Variants in ANKRD50 observed in about 807,000 individuals in gnomAD.
ANKRD50 encodes the protein ankyrin repeat domain 50, also known as ankyrin repeat domain-containing protein 50.
ANKRD50 carries 40 observed loss-of-function variants against 112.0 expected under a neutral mutation model. The ratio of observed to expected loss-of-function variants is 0.36; its 90% CI spans 0.28 to 0.46. The LOEUF is 0.46. ANKRD50 is among the 20% of genes least tolerant of loss of function. The pLI is 1.00. For synonymous variants in ANKRD50, 613 were observed against 619.1 expected, an observed-to-expected ratio of 0.99 and a Z score of 0.15; for missense variants, 1,487 against 1,701.7, an observed-to-expected ratio of 0.87 and a Z score of 2.22.
Position 124,669,789 on chromosome 4 carries a change from G to T in ANKRD50, c.3488C>A (p.Ser1163Tyr), listed in dbSNP as rs1359100186. The change falls in exon 4 of 5, where the codon TCT becomes TAT. Residue 1163 changes from serine to tyrosine, a missense_variant. By Grantham distance (144) the Ser-to-Tyr change is moderately radical. Transcript: ENST00000504087. ...TGTAGAATCTGGAGATTCTGAAGGA[G>T]AACTAAAAGCATGAGTAGGCCCATT... ...LPNGPTHAFS[S>Y]PSESPDSTVD... The T allele has an allele frequency of 6.2e-7, 1 of 1,613,168 alleles. No individual in the cohort carries two copies. Among genetic ancestry groups the T allele is most frequent in the Non-Finnish European group, 8.5e-7 (1 of 1,179,742 alleles).
At position 124,711,816 on chromosome 4, in the gene ANKRD50, A is replaced by G. The variant is rs142130163; in HGVS notation, c.-763-542T>C. 7.1e-4 allele frequency among the ~76,000 whole-genome samples: 108 copies of G among 152,236 alleles called. 1 individual carries two copies. Among genetic ancestry groups the G allele is most frequent in the East Asian group, 6.0e-3 (31 of 5,184 alleles). ...ACTGTTCTTATAAGAATGATAAAGC[A>G]AACACAAGTAAAATGTGAATCCTTC... On this transcript the variant is annotated intron_variant, in intron 1 of 4. Transcript: ENST00000504087.
Position 124,669,287 on chromosome 4 carries a change from A to C in ANKRD50, c.3990T>G (p.Ile1330Met). The change falls in exon 4 of 5, where the codon ATT becomes ATG. Residue 1330 changes from isoleucine to methionine, a missense_variant. By Grantham distance (10) the Ile-to-Met change is conservative (BLOSUM62 1). This residue lies in a region of ANKRD50 where 441 missense variants were observed against 432.2 expected (regional missense o/e 1.02). Coordinates refer to ENST00000504087, the MANE Select transcript of ANKRD50 (RefSeq NM_020337.3). ...KQMPAESQCK[I>M]MIPSAQQEIG... ...TTTCCTGCTGAGCTGAAGGTATCAT[A>C]ATTTTGCATTGAGATTCTGCTGGCA... 2 of 1,613,790 alleles carry C rather than the reference A, an allele frequency of 1.2e-6. No homozygotes were observed. The highest frequency in any genetic ancestry group is 1.3e-5 in the African/African-American group (1 of 74,988).
intron 2 of ANKRD50, among the ~76,000 whole-genome samples, chr4:124,703,214 C>T (rs945143049): frequency 1.3e-5 from 2 of 152,056 alleles, no homozygotes; most frequent in African/African-American, 2.4e-5. Context: ...AAAAAAAATA[C>T]CTAAAATACA....
At chr4:124,687,144 A>G (rs1053059257) in intron 2 of ANKRD50, among the ~76,000 whole-genome samples, 3 of 152,254 alleles carry the variant, frequency 2.0e-5, no homozygotes, top group Non-Finnish European at 4.4e-5. Flanking sequence ...ACAGTATGCT[A>G]TGTATTTGTT....
chr4:124,696,097 C>G (rs1179943262), intron 2 of ANKRD50, among the ~76,000 whole-genome samples: 1 of 151,550 alleles, frequency 6.6e-6, no homozygotes, highest in Non-Finnish European at 1.5e-5. Context: ...CTAGTATAAA[C>G]TAAAATAACC....
At chr4:124,691,263 C>T (rs1227849902) in intron 2 of ANKRD50, among the ~76,000 whole-genome samples, 4 of 151,720 alleles carry the variant, frequency 2.6e-5, no homozygotes, top group Admixed American at 6.6e-5. Flanking sequence ...GAGGCCGAGG[C>T]GGGTGGATCA....
intron 3 of ANKRD50, among the ~76,000 whole-genome samples, chr4:124,676,981 T>C (rs1730788204): frequency 1.3e-5 from 2 of 151,616 alleles, no homozygotes; most frequent in African/African-American, 2.4e-5. Context: ...ACATACCACA[T>C]TGACAAATTA....
In ANKRD50 at chr4:124,669,084, G is replaced by A; in HGVS notation, c.4193C>T (p.Pro1398Leu). ...AAGGCTTAATTCTGTCTCTGAGGAA[G>A]GGTATCCCTCCAACACTTCCTGATG... ...RGHQEVLEGY[P>L]SSETELSLKQ... The change falls in exon 4 of 5, where the codon CCT becomes CTT. Residue 1398 changes from proline (P) to leucine (L), a missense_variant. Around this residue, in one of 2 missense-constraint regions of ANKRD50, gnomAD observed 441 missense variants for 432.2 expected, o/e 1.02. Coordinates refer to ENST00000504087, the MANE Select transcript of ANKRD50 (RefSeq NM_020337.3). 6.2e-7 allele frequency: 1 copy of A among 1,613,512 alleles called. No homozygotes were observed.
At chr4:124,697,212 G>A (rs916324373) in intron 2 of ANKRD50, among the ~76,000 whole-genome samples, 2 of 152,158 alleles carry the variant, frequency 1.3e-5, no homozygotes, top group African/African-American at 4.8e-5. Context: ...GGTCATGGCT[G>A]CATAAATAAT....
chr4:124,681,674 T>A (rs1192568402), intron 2 of ANKRD50, among the ~76,000 whole-genome samples: 1 of 152,198 alleles, frequency 6.6e-6, no homozygotes, highest in Admixed American at 6.5e-5. Context: ...TAGGATTTAG[T>A]GATTATCTCC....
intron 3 of ANKRD50, among the ~76,000 whole-genome samples, chr4:124,673,330 G>C (rs563824750): frequency 7.9e-5 from 12 of 152,082 alleles, no homozygotes; most frequent in African/African-American, 1.2e-4. Flanking sequence ...TCATCTTACA[G>C]AACAAAAAAC....
chr4:124,671,540 A>G lies in ANKRD50; in HGVS notation c.1737T>C (p.His579=), dbSNP rs1218681628. 6.2e-7 allele frequency: 1 copy of G among 1,613,692 alleles called. No individual in the cohort carries two copies. Among genetic ancestry groups the G allele is most frequent in the Non-Finnish European group, 8.5e-7 (1 of 1,179,844 alleles). ...ADLEIEDAHG[H]TPLTLAARQG... ...GTCTAGCCGCTAGAGTGAGTGGTGT[A>G]TGTCCATGAGCATCTTCTATCTCTA... The change falls in exon 4 of 5, where the codon CAT becomes CAC. Residue 579 remains histidine (H), a synonymous_variant. Transcript: ENST00000504087.
At chr4:124,700,758 T>A (rs1725371016) in intron 2 of ANKRD50, among the ~76,000 whole-genome samples, 1 of 152,222 alleles carries the variant, frequency 6.6e-6, no homozygotes, top group Admixed American at 6.5e-5. Flanking sequence ...GGTGATTTAC[T>A]GTAGGGTTGC....
chr4:124,701,627 G>A (rs2110526154), intron 2 of ANKRD50, among the ~76,000 whole-genome samples: 1 of 152,188 alleles, frequency 6.6e-6, no homozygotes, highest in African/African-American at 2.4e-5. Context: ...TACGGTCAAA[G>A]ACACTAGTAA....
intron 2 of ANKRD50, among the ~76,000 whole-genome samples, chr4:124,685,907 G>C (rs1378238298): frequency 6.6e-6 from 1 of 152,036 alleles, no homozygotes; most frequent in Non-Finnish European, 1.5e-5. Flanking sequence ...AAAATTATAT[G>C]TATTTACCAT....
intron 2 of ANKRD50, among the ~76,000 whole-genome samples, chr4:124,705,590 G>C (rs12501208): frequency 6.6e-6 from 1 of 152,070 alleles, no homozygotes; most frequent in Non-Finnish European, 1.5e-5. Flanking sequence ...TCTCCAAAAC[G>C]ATTTCTGTTC....
chr4:124,698,399 A>G (rs1021945120), intron 2 of ANKRD50, among the ~76,000 whole-genome samples: 1 of 151,652 alleles, frequency 6.6e-6, no homozygotes, highest in Non-Finnish European at 1.5e-5. Flanking sequence ...TTTATTACAT[A>G]TATATACTAT....
chr4:124,694,090 A>G (rs1725198167), intron 2 of ANKRD50, among the ~76,000 whole-genome samples: 1 of 152,254 alleles, frequency 6.6e-6, no homozygotes, highest in Non-Finnish European at 1.5e-5. Context: ...CATCCAATAA[A>G]GTAAAGCAAG....
chr4:124,670,778 T>C lies in ANKRD50; in HGVS notation c.2499A>G (p.Leu833=), dbSNP rs138736984. ...AQGNVEVVRT[L]LDRGLDENHR... ...GATTTTCATCTAACCCTCTATCCAGTAGAGTACGTACCACCTCAACATTTC... is the reference window on the plus strand; with the variant it reads ...GATTTTCATCTAACCCTCTATCCAGCAGAGTACGTACCACCTCAACATTTC... The change falls in exon 4 of 5, where the codon CTA becomes CTG. Residue 833 remains leucine, a synonymous_variant. Transcript: ENST00000504087. The C allele has an allele frequency of 1.1e-5, 17 of 1,613,890 alleles. No individual in the cohort carries two copies. The East Asian group carries it at 3.8e-4, about 36-fold the overall frequency.
Sources: gnomAD v4.1 joint callset for allele counts (sites outside exome capture counted in the v4.1 genomes callset) on GRCh38, gnomAD v4.1.1 for gene constraint, gnomAD v4.1.1 regional missense constraint, MANE v1.5 for transcripts, NCBI Gene and HGNC (gene_info 2026-07-23, HGNC 2026-07-21) for gene names.